SMIM31: variants seen among roughly 807,000 people sequenced by gnomAD.
SMIM31 encodes the protein human epithelial cell program regulator.
At chr4:164,766,639 A>G (rs929840175) in intron 1 of SMIM31, among the ~76,000 whole-genome samples, 4 of 152,064 alleles carry the variant, frequency 2.6e-5, no homozygotes. Flanking sequence ...TCTACTAAAA[A>G]TACAAAAAAT....
intron 2 of SMIM31, among the ~76,000 whole-genome samples, chr4:164,776,523 A>T (rs569565144): frequency 4.6e-5 from 7 of 152,350 alleles, no homozygotes; most frequent in African/African-American, 1.7e-4. Context: ...TCCTATTCAC[A>T]TAAAAATACA....
intron 1 of SMIM31, among the ~76,000 whole-genome samples, chr4:164,758,719 C>T (rs1732602549): frequency 6.9e-6 from 1 of 144,694 alleles, no homozygotes; most frequent in Non-Finnish European, 1.5e-5. Context: ...CTGCAAGCTC[C>T]GCCTCCCGGG....
At chr4:164,784,900 T>TTTTTG in intron 2 of SMIM31, among the ~76,000 whole-genome samples, 1 of 23,974 alleles carries the variant, frequency 4.2e-5, no homozygotes, top group South Asian at 7.6e-4. Flanking sequence ...TTTGTTTGGG[T>TTTTTG]TTTTTTTTTT....
At chr4:164,772,279 A>G (rs1449143523) in intron 2 of SMIM31, among the ~76,000 whole-genome samples, 1 of 152,012 alleles carries the variant, frequency 6.6e-6, no homozygotes, top group East Asian at 1.9e-4. Context: ...CAGATTCATG[A>G]GAACTCACTG....
intron 2 of SMIM31, among the ~76,000 whole-genome samples, chr4:164,782,080 C>T (rs1012601327): frequency 2.6e-5 from 4 of 151,962 alleles, no homozygotes; most frequent in Non-Finnish European, 4.4e-5. Context: ...CACCTGAGGT[C>T]GGGAGTTCGA....
chr4:164,772,705 T>A (rs542394091), intron 2 of SMIM31, among the ~76,000 whole-genome samples: 147 of 151,496 alleles, frequency 9.7e-4, no homozygotes, highest in South Asian at 5.6e-3. Flanking sequence ...CAGCCTCCCG[T>A]GTAGCTGGGA....
chr4:164,793,258 G>A (rs1301200614), intron 2 of SMIM31, among the ~76,000 whole-genome samples: 3 of 152,142 alleles, frequency 2.0e-5, no homozygotes, highest in Non-Finnish European at 4.4e-5. Context: ...TATTGAGCAC[G>A]AGGCTCACTA....
At chr4:164,764,249 A>G (rs1732689090) in intron 1 of SMIM31, among the ~76,000 whole-genome samples, 1 of 152,128 alleles carries the variant, frequency 6.6e-6, no homozygotes, top group Non-Finnish European at 1.5e-5. Flanking sequence ...CGGCAACCAG[A>G]CCATTGGCAG....
intron 1 of SMIM31, among the ~76,000 whole-genome samples, chr4:164,768,427 CAAA>C (rs758951225): frequency 3.2e-5 from 3 of 94,688 alleles, no homozygotes; most frequent in Non-Finnish European, 6.1e-5. Context: ...CAGTACATCT[CAAA>C]AAAAAAAAAA....
rs11938919 is a variant in SMIM31 at position 164,770,432 on chromosome 4, C to T, written c.-12C>T. 936 of 398,708 alleles carry T rather than the reference C, an allele frequency of 2.3e-3. 8 individuals are homozygous for T. The highest frequency in any genetic ancestry group is 0.017 in the African/African-American group (846 of 48,646). The allele number at this position is 398,708 out of a possible 1,614,324, so 24.7% of individuals were successfully genotyped here. On this transcript the variant is annotated 5_prime_UTR_variant, in exon 2 of 3. Transcript: ENST00000507311. ...TTCCTATTGTAGGTGAAGAAGTTTT[C>T]GGTGGTGGTTCATGGAGCTTCCCTA...
At position 164,797,415 on chromosome 4, in the gene SMIM31, T is replaced by A. The variant is rs7698781; in HGVS notation, c.113-3676T>A. On this transcript the variant is annotated intron_variant, in intron 2 of 2. Transcript: ENST00000507311. Reference sequence around the variant, plus strand: ...ATAAACACAGATACAAAAGGACATGTATATATATATGTATGTATGTATTTA... The same window carrying A: ...ATAAACACAGATACAAAAGGACATGAATATATATATGTATGTATGTATTTA... Among the ~76,000 whole-genome samples the A allele has an allele frequency of 1.9e-3, 281 of 150,026 alleles. 1 individual carries two copies. The highest frequency in any genetic ancestry group is 3.3e-3 in the Non-Finnish European group (226 of 67,828).
At chr4:164,787,475 C>G (rs1359990672) in intron 2 of SMIM31, 1 of 150,880 alleles carries the variant, frequency 6.6e-6, no homozygotes, top group Non-Finnish European at 1.5e-5. Context: ...TTATTTCCTT[C>G]TTTTCTCTCT....
rs1377533913 is a variant in SMIM31, at chr4:164,801,950, G to C, written c.*756G>C. On this transcript the variant is annotated 3_prime_UTR_variant, in exon 3 of 3. Coordinates refer to ENST00000507311, the MANE Select transcript of SMIM31 (RefSeq NM_001352885.1). ...ATTTTTTTTTTTTTAATTTGAGAGAGAGGCTGGGTGCAGTGGCTCACGCCT... is the reference window on the plus strand; with the variant it reads ...ATTTTTTTTTTTTTAATTTGAGAGACAGGCTGGGTGCAGTGGCTCACGCCT... The C allele has an allele frequency of 6.6e-6, 1 of 151,628 alleles. No individual in the cohort carries two copies. Among genetic ancestry groups the C allele is most frequent in the Non-Finnish European group, 1.5e-5 (1 of 67,894 alleles). The allele number at this position is 151,628 out of a possible 1,614,324, so 9.4% of individuals were successfully genotyped here.
chr4:164,754,795 A>G (rs1156602976), intron 1 of SMIM31, among the ~76,000 whole-genome samples: 3 of 151,274 alleles, frequency 2.0e-5, no homozygotes, highest in Admixed American at 1.3e-4. Context: ...ATACTTTTCT[A>G]TGCTGAAAGT....
At chr4:164,795,558 C>CAAA (rs60083689) in intron 2 of SMIM31, among the ~76,000 whole-genome samples, 2 of 76,958 alleles carry the variant, frequency 2.6e-5, no homozygotes, top group Non-Finnish European at 2.2e-5. Context: ...TACTCCATCT[C>CAAA]AAAAAAAAAA....
At position 164,801,662 on chromosome 4, in the gene SMIM31, A is replaced by AG. The variant is rs1168042559; in HGVS notation, c.*471dup. On this transcript the variant is annotated 3_prime_UTR_variant, in exon 3 of 3. Coordinates refer to ENST00000507311, the MANE Select transcript of SMIM31 (RefSeq NM_001352885.1). ...CTTCCGTATCTGAAATAGGTGAAAG[A>AG]GGGAAAAAACACTATATATTTTTTC... is the stretch of plus-strand genomic sequence containing the variant. 1 of 152,324 alleles carries AG rather than the reference A, an allele frequency of 6.6e-6. No homozygotes were observed. The highest frequency in any genetic ancestry group is 1.5e-5 in the Non-Finnish European group (1 of 68,138). The allele number at this position is 152,324 out of a possible 1,614,324, so 9.4% of individuals were successfully genotyped here. A position where few individuals can be genotyped will look rare whatever the true frequency, so the allele number is the denominator to read the frequency against.
chr4:164,780,238 C>T (rs533228110), intron 2 of SMIM31, among the ~76,000 whole-genome samples: 70 of 152,234 alleles, frequency 4.6e-4, no homozygotes, highest in East Asian at 9.7e-4. Context: ...CCAGCCTGGC[C>T]AACATGGTGA....
At chr4:164,800,670 C>T (rs1225668263) in intron 2 of SMIM31, among the ~76,000 whole-genome samples, 2 of 152,144 alleles carry the variant, frequency 1.3e-5, no homozygotes, top group South Asian at 2.1e-4. Flanking sequence ...GGACAGTGGC[C>T]TCCCAAAATC....
chr4:164,755,342 C>T (rs567066108), intron 1 of SMIM31, among the ~76,000 whole-genome samples: 1 of 150,248 alleles, frequency 6.7e-6, no homozygotes, highest in African/African-American at 2.4e-5. Flanking sequence ...TAGCTGGACA[C>T]GGTGGTGTGT....
Sources: allele counts gnomAD v4.1 joint callset (sites outside exome capture counted in the v4.1 genomes callset), GRCh38; gene constraint gnomAD v4.1.1; transcripts MANE v1.5; gene names NCBI Gene and HGNC (gene_info 2026-07-23, HGNC 2026-07-21).